The following ANKS1B variants were observed in gnomAD, a reference collection of about 807,000 sequenced individuals.
ANKS1B encodes the protein ankyrin repeat and sterile alpha motif domain containing 1B, also known as ankyrin repeat and sterile alpha motif domain-containing protein 1B.
A neutral mutation model predicts 148.3 loss-of-function variants in ANKS1B; 36 were observed. The ratio of observed to expected loss-of-function variants is 0.24; its 90% CI spans 0.19 to 0.32. The LOEUF is 0.32. ANKS1B is among the 10% of genes least tolerant of loss of function. The probability of loss-of-function intolerance (pLI) is 1.00; values close to 1 mark genes in which losing one functional copy is unlikely to be tolerated. For missense variants in ANKS1B, 1,157 were observed against 1,542.6 expected (o/e 0.75, Z 4.19); for synonymous variants, 542 against 560.8 (o/e 0.97, Z 0.47).
At chr12:99,293,286 G>A (rs937586106) in intron 12 of ANKS1B, among the ~76,000 whole-genome samples, 8 of 151,690 alleles carry the variant, frequency 5.3e-5, no homozygotes, top group African/African-American at 1.9e-4. Context: ...TCACTCATAG[G>A]TGGGAATTGA....
intron 14 of ANKS1B, among the ~76,000 whole-genome samples, chr12:99,199,184 A>G (rs1235588350): frequency 6.6e-6 from 1 of 152,208 alleles, no homozygotes; most frequent in African/African-American, 2.4e-5. Flanking sequence ...TACTTAGCTG[A>G]TCCACTCTCA....
At chr12:99,019,355 T>A (rs1286361240) in intron 17 of ANKS1B, among the ~76,000 whole-genome samples, 2 of 152,194 alleles carry the variant, frequency 1.3e-5, no homozygotes, top group Non-Finnish European at 1.5e-5. Context: ...GTAAGTCAAT[T>A]AAAACTGTGT....
chr12:99,676,780 T>C (rs992146640), intron 8 of ANKS1B, among the ~76,000 whole-genome samples: 7 of 152,208 alleles, frequency 4.6e-5, no homozygotes, highest in Non-Finnish European at 8.8e-5. Flanking sequence ...ATACAGCTAC[T>C]GTGAAGTCAA....
intron 17 of ANKS1B, among the ~76,000 whole-genome samples, chr12:98,856,724 C>T (rs184143697): frequency 1.4e-4 from 22 of 152,162 alleles, no homozygotes; most frequent in Admixed American, 1.4e-3. Context: ...ACTGAATAAC[C>T]TCTGGGAGCC....
At chr12:99,202,091 C>A (rs905787745) in intron 14 of ANKS1B, among the ~76,000 whole-genome samples, 12 of 152,164 alleles carry the variant, frequency 7.9e-5, no homozygotes, top group Non-Finnish European at 1.6e-4. Flanking sequence ...TCTTCTAATT[C>A]CAAATAAAAA....
At chr12:99,687,441 C>G (rs1301643060) in intron 8 of ANKS1B, among the ~76,000 whole-genome samples, 3 of 152,164 alleles carry the variant, frequency 2.0e-5, no homozygotes, top group Non-Finnish European at 2.9e-5. Flanking sequence ...TTTCTTCCCT[C>G]CCTTTCAGGA....
Position 99,401,368 on chromosome 12 carries a change from T to C in ANKS1B, c.1576-1557A>G, listed in dbSNP as rs1240386938. ...GAGCCCATCATTCTAGGCTTTGTTT[T>C]ATTGTGTTGTGTTTTTGTTTCACTT... is the stretch of plus-strand genomic sequence containing the variant. On this transcript the variant is annotated intron_variant, in intron 11 of 26. Coordinates refer to ENST00000683438, the MANE Select transcript of ANKS1B (RefSeq NM_001352186.2). Among the ~76,000 whole-genome samples, 6 of 146,446 alleles carry C rather than the reference T, an allele frequency of 4.1e-5. 1 individual carries two copies. Among genetic ancestry groups the C allele is most frequent in the Non-Finnish European group, 9.1e-5 (6 of 66,222 alleles).
intron 17 of ANKS1B, among the ~76,000 whole-genome samples, chr12:98,943,206 G>A (rs1239952453): frequency 6.6e-6 from 1 of 152,204 alleles, no homozygotes; most frequent in African/African-American, 2.4e-5. Flanking sequence ...ATGTGCTCCT[G>A]TTTGATAAGG....
chr12:99,585,769 A>T (rs531817377), intron 9 of ANKS1B, among the ~76,000 whole-genome samples: 13 of 152,300 alleles, frequency 8.5e-5, no homozygotes, highest in African/African-American at 3.1e-4. Flanking sequence ...TGGGGCTTGC[A>T]TCCTCTGAAG....
At chr12:99,565,313 A>T (rs1055229594) in intron 9 of ANKS1B, among the ~76,000 whole-genome samples, 2 of 152,190 alleles carry the variant, frequency 1.3e-5, no homozygotes, top group African/African-American at 2.4e-5. Flanking sequence ...ATTGCAATCC[A>T]TTAAGTGCAG....
At chr12:99,805,351 C>CAGT (rs2067505271) in intron 4 of ANKS1B, among the ~76,000 whole-genome samples, 1 of 146,672 alleles carries the variant, frequency 6.8e-6, no homozygotes, top group Non-Finnish European at 1.5e-5. Context: ...TGGCCAGGCC[C>CAGT]AGTAGCCCAC....
chr12:98,735,600 G>A, exon 10 of ANKS1B: 1 of 775,048 alleles, frequency 1.3e-6, no homozygotes, highest in South Asian at 1.3e-5. Context: ...TCTCTCTGAT[G>A]GTTCCTGCCC....
chr12:98,908,789 C>T (rs901481443), intron 17 of ANKS1B, among the ~76,000 whole-genome samples: 10 of 151,984 alleles, frequency 6.6e-5, no homozygotes, highest in East Asian at 1.9e-4. Context: ...TTGGTGAGGG[C>T]GAAGCATTTG....
chr12:99,429,142 G>GAAACAAACAAACAAAC (rs373490843), intron 11 of ANKS1B, among the ~76,000 whole-genome samples: 1 of 151,886 alleles, frequency 6.6e-6, no homozygotes, highest in African/African-American at 2.4e-5. Context: ...TTTCAGAAGA[G>GAAACAAACAAACAAAC]AAACAAACAA....
chr12:99,509,785 C>T (rs2096745977), intron 9 of ANKS1B, among the ~76,000 whole-genome samples: 1 of 151,956 alleles, frequency 6.6e-6, no homozygotes, highest in Non-Finnish European at 1.5e-5. Flanking sequence ...GAAACAGCCT[C>T]ATACCAGAAG....
intron 16 of ANKS1B, among the ~76,000 whole-genome samples, chr12:99,079,003 A>C (rs772167896): frequency 2.0e-5 from 3 of 152,190 alleles, no homozygotes; most frequent in African/African-American, 4.8e-5. Flanking sequence ...ACAAGGAACT[A>C]AGGGAGGCCT....
At chr12:99,333,866 T>G (rs985629249) in intron 12 of ANKS1B, among the ~76,000 whole-genome samples, 3 of 149,944 alleles carry the variant, frequency 2.0e-5, no homozygotes, top group Admixed American at 6.6e-5. Flanking sequence ...TTTTTTTTTT[T>G]TTTTTTTTTA....
intron 12 of ANKS1B, 115 bp from the exon 13 acceptor site, chr12:99,246,979 G>T: frequency 1.3e-6 from 1 of 789,952 alleles, no homozygotes; most frequent in Non-Finnish European, 2.0e-6. Flanking sequence ...CTGCTACATA[G>T]CAATACCTTC....
intron 11 of ANKS1B, among the ~76,000 whole-genome samples, chr12:99,429,441 A>C (rs1436084448): frequency 6.6e-6 from 1 of 152,218 alleles, no homozygotes; most frequent in African/African-American, 2.4e-5. Context: ...ATTGCTTTTA[A>C]AGTCAAGAAA....
Sources: allele counts gnomAD v4.1 joint callset (sites outside exome capture counted in the v4.1 genomes callset), GRCh38; gene constraint gnomAD v4.1.1; transcripts MANE v1.5; gene names NCBI Gene and HGNC (gene_info 2026-07-23, HGNC 2026-07-21).